SEC23IP: variants seen among roughly 807,000 people sequenced by gnomAD.
The protein encoded by SEC23IP is SEC23 interacting protein.
A neutral mutation model predicts 113.4 loss-of-function variants in SEC23IP; 70 were observed. The ratio of observed to expected loss-of-function variants is 0.62; its 90% CI spans 0.51 to 0.75. The LOEUF is 0.75. Among genes scored for constraint, SEC23IP ranks in the 30% least tolerant of loss-of-function variants. SEC23IP has a pLI of 0.00. For synonymous variants in SEC23IP, 398 were observed against 421.0 expected (o/e 0.95, Z 0.67); for missense variants, 1,160 against 1,204.9 (o/e 0.96, Z 0.55).
chr10:119,920,793 GC>G, intron 11 of SEC23IP, 95 bp from the exon 12 acceptor site: 2 of 798,166 alleles, frequency 2.5e-6, no homozygotes, highest in Non-Finnish European at 2.0e-6. Context: ...CTCTTAGATT[GC>G]TTTAGATGAT....
intron 6 of SEC23IP, among the ~76,000 whole-genome samples, chr10:119,912,558 T>C (rs540447198): frequency 1.5e-4 from 23 of 152,218 alleles, no homozygotes; most frequent in Non-Finnish European, 3.1e-4. Flanking sequence ...GTAAGTATTA[T>C]GTCTATCACC....
chr10:119,943,454 T>C lies in SEC23IP; in HGVS notation c.*2889T>C, dbSNP rs1856010018. ...AAAAATAAAAAAAATTAGCTGGGCA[T>C]GGTGGCATGTGCCTGTAGTCCCAGC... On this transcript the variant is annotated 3_prime_UTR_variant, in exon 19 of 19. Coordinates refer to ENST00000369075, the MANE Select transcript of SEC23IP (RefSeq NM_007190.4). 6.6e-6 allele frequency: 1 copy of C among 152,260 alleles called. No homozygotes were observed. The highest frequency in any genetic ancestry group is 1.5e-5 in the Non-Finnish European group (1 of 68,094). The allele number at this position is 152,260 out of a possible 1,614,324, so 9.4% of individuals were successfully genotyped here. A position where few individuals can be genotyped will look rare whatever the true frequency, so the allele number is the denominator to read the frequency against.
At chr10:119,936,163 A>T (rs945387899) in intron 18 of SEC23IP, among the ~76,000 whole-genome samples, 6 of 152,150 alleles carry the variant, frequency 3.9e-5, no homozygotes, top group South Asian at 2.1e-4. Flanking sequence ...CTCCATTATA[A>T]ATAACTCTGA....
chr10:119,900,366 G>C (rs1156847955), intron 2 of SEC23IP, among the ~76,000 whole-genome samples: 1 of 151,742 alleles, frequency 6.6e-6, no homozygotes, highest in Non-Finnish European at 1.5e-5. Flanking sequence ...CTAGAGTGCA[G>C]TGGCATGGTA....
At chr10:119,901,047 G>GC (rs1284286816) in intron 2 of SEC23IP, among the ~76,000 whole-genome samples, 2 of 128,292 alleles carry the variant, frequency 1.6e-5, no homozygotes, top group Non-Finnish European at 3.4e-5. Flanking sequence ...TAAAGAGTGG[G>GC]GGGGGGGTCT....
chr10:119,910,334 T>C (rs917824659), intron 5 of SEC23IP, among the ~76,000 whole-genome samples: 4 of 152,324 alleles, frequency 2.6e-5, no homozygotes, highest in Non-Finnish European at 5.9e-5. Context: ...GATTCTATCA[T>C]TTGCCAACCT....
intron 12 of SEC23IP, among the ~76,000 whole-genome samples, chr10:119,925,584 C>T (rs1267366293): frequency 6.6e-6 from 1 of 152,034 alleles, no homozygotes; most frequent in Admixed American, 6.6e-5. Context: ...CTCTGTTGCC[C>T]AGGGTGGAGT....
chr10:119,920,330 A>G (rs1190301177), intron 11 of SEC23IP, among the ~76,000 whole-genome samples: 1 of 152,240 alleles, frequency 6.6e-6, no homozygotes, highest in Non-Finnish European at 1.5e-5. Context: ...ACAAAACATT[A>G]GAGACACCAT....
Position 119,944,302 on chromosome 10 carries a change from A to G in SEC23IP, c.*3737A>G, listed in dbSNP as rs1422427148. 1 of 152,230 alleles carries G rather than the reference A, an allele frequency of 6.6e-6. No individual in the cohort carries two copies. Among genetic ancestry groups the G allele is most frequent in the African/African-American group, 2.4e-5 (1 of 41,436 alleles). 9.4% of individuals were successfully genotyped at this position (152,230 alleles called of 1,614,324 possible). The stretch of plus-strand genomic sequence containing the variant: ...TGCTTCCCCTTTGCCTTTCGTCACA[A>G]TTGTAAGTTCCCCGAGGTTCGTCAT... On this transcript the variant is annotated 3_prime_UTR_variant, in exon 19 of 19. Coordinates refer to ENST00000369075, the MANE Select transcript of SEC23IP (RefSeq NM_007190.4).
At position 119,933,705 on chromosome 10, in the gene SEC23IP, C is replaced by G; in HGVS notation, c.2941C>G (p.Leu981Val). 1 of 1,576,810 alleles carries G rather than the reference C, an allele frequency of 6.3e-7. No individual in the cohort carries two copies. Among genetic ancestry groups the G allele is most frequent in the African/African-American group, 1.3e-5 (1 of 74,284 alleles). The change falls in exon 18 of 19, where the codon CTG (leucine) becomes GTG (valine). Residue 981 changes from leucine (L) to valine (V), a missense_variant. Leu to Val is a conservative substitution (Grantham distance 32). Transcript: ENST00000369075. ...TCATAGGGAATCTGAAGATACTGCT[C>G]TGTTACTACTTAAAGAAATTTATCG... ...LCYWESEDTALLLLKEIYRTM... is the reference protein window; with the variant it reads ...LCYWESEDTAVLLLKEIYRTM...
chr10:119,926,242 T>C lies in SEC23IP; in HGVS notation c.2313+15T>C, dbSNP rs1855417071. On this transcript the variant is annotated intron_variant, in intron 13 of 18. Coordinates refer to ENST00000369075, the MANE Select transcript of SEC23IP (RefSeq NM_007190.4). ...GCGCCGGACAGGTGAGTTTACATAT[T>C]GACTGGGGCTACATAGTTCATGTTG... 1 of 1,610,698 alleles carries C rather than the reference T, an allele frequency of 6.2e-7. No homozygotes were observed. The highest frequency in any genetic ancestry group is 1.3e-5 in the African/African-American group (1 of 74,856).
intron 1 of SEC23IP, among the ~76,000 whole-genome samples, chr10:119,897,234 T>C (rs2059291195): frequency 6.6e-6 from 1 of 152,144 alleles, no homozygotes; most frequent in Non-Finnish European, 1.5e-5. Flanking sequence ...GGAGGAGGAA[T>C]ATGAAAGCTA....
chr10:119,914,666 TGCCATTA>T, intron 6 of SEC23IP, 57 bp from the exon 7 acceptor site: 1 of 1,293,408 alleles, frequency 7.7e-7, no homozygotes, highest in Non-Finnish European at 1.1e-6. Flanking sequence ...TCTAGAATAT[TGCCATTA>T]GGAAAATCCA....
intron 15 of SEC23IP, among the ~76,000 whole-genome samples, chr10:119,931,065 G>A (rs1359465185): frequency 1.3e-5 from 2 of 152,034 alleles, no homozygotes; most frequent in Non-Finnish European, 2.9e-5. Context: ...TAAGGCATGC[G>A]TTTGATAACT....
rs1422460518 is a variant in SEC23IP, at chr10:119,904,291, ATTTCTTTATGAG to A, written c.1101+23_1101+34del. ...GAAAAACTAGAGGTACGGGTGCTTT[ATTTCTTTATGAG>A]TTTCTTTAAAAAATGTAGGTCCTAT... On this transcript the variant is annotated intron_variant, in intron 4 of 18. Transcript: ENST00000369075. 1.9e-6 allele frequency: 3 copies of A among 1,611,442 alleles called. No homozygotes were observed. The highest frequency in any genetic ancestry group is 2.2e-5 in the South Asian group (2 of 91,012).
chr10:119,905,993 A>G (rs1854650341), intron 4 of SEC23IP, among the ~76,000 whole-genome samples: 1 of 152,200 alleles, frequency 6.6e-6, no homozygotes, highest in East Asian at 1.9e-4. Context: ...AAATGGAGCT[A>G]GGCTGGGCGT....
intron 11 of SEC23IP, among the ~76,000 whole-genome samples, chr10:119,920,321 C>A (rs11199121): frequency 0.18 from 26,721 of 152,110 alleles, 2,572 homozygotes; most frequent in Non-Finnish European, 0.22. Context: ...TGCAAGGTAA[C>A]AAAACATTAG....
intron 12 of SEC23IP, among the ~76,000 whole-genome samples, 163 bp from the exon 13 acceptor site, chr10:119,925,873 G>A (rs1361922550): frequency 3.9e-5 from 6 of 152,152 alleles, no homozygotes; most frequent in Non-Finnish European, 4.4e-5. Flanking sequence ...TGAAGCAAAA[G>A]CTGCAGAGAA....
At chr10:119,912,600 C>T (rs1400947280) in intron 6 of SEC23IP, among the ~76,000 whole-genome samples, 6 of 150,764 alleles carry the variant, frequency 4.0e-5, no homozygotes, top group Non-Finnish European at 3.0e-5. Flanking sequence ...GTGTTGGGAA[C>T]ATTTCAGATC....
Sources: gnomAD v4.1 joint callset for allele counts (sites outside exome capture counted in the v4.1 genomes callset) on GRCh38, gnomAD v4.1.1 for gene constraint, MANE v1.5 for transcripts, NCBI Gene and HGNC (gene_info 2026-07-23, HGNC 2026-07-21) for gene names.